GRAMD4: variants seen among roughly 807,000 people sequenced by gnomAD.
The protein encoded by GRAMD4 is GRAM domain containing 4.
A neutral mutation model predicts 83.9 loss-of-function variants in GRAMD4; 25 were observed. The observed-to-expected ratio is 0.30, with a 90% CI of 0.22 to 0.42. GRAMD4 has a LOEUF of 0.42. Ranked by LOEUF, GRAMD4 falls within the 10% of genes least tolerant of loss-of-function variation. The pLI, the probability that GRAMD4 is intolerant of heterozygous loss-of-function variation, is 1.00. For missense variants in GRAMD4, 593 were observed against 788.7 expected (o/e 0.75, Z 2.97); for synonymous variants, 336 against 320.9 (o/e 1.05, Z -0.50).
intron 13 of GRAMD4, among the ~76,000 whole-genome samples, chr22:46,670,538 G>A (rs548237899): frequency 3.9e-5 from 6 of 152,318 alleles, no homozygotes; most frequent in East Asian, 1.9e-4. Flanking sequence ...GGACAGCTCC[G>A]GGGCAGGCCG....
intron 2 of GRAMD4, among the ~76,000 whole-genome samples, chr22:46,630,655 A>C (rs1011543592): frequency 6.6e-6 from 1 of 151,806 alleles, no homozygotes; most frequent in African/African-American, 2.4e-5. Context: ...AAGCAGCCTC[A>C]CTCCTGGCAG....
chr22:46,648,360 G>A (rs1439510629), intron 3 of GRAMD4, among the ~76,000 whole-genome samples: 1 of 140,508 alleles, frequency 7.1e-6, no homozygotes, highest in East Asian at 2.0e-4. Context: ...ATGGATGGAT[G>A]AATGGGTGAG....
At chr22:46,610,739 A>G (rs1250493993) in intron 1 of GRAMD4, among the ~76,000 whole-genome samples, 1 of 152,218 alleles carries the variant, frequency 6.6e-6, no homozygotes, top group Non-Finnish European at 1.5e-5. Flanking sequence ...TTGGCTGGTT[A>G]TTCTCAAGCC....
chr22:46,647,709 T>C (rs1406668206), intron 3 of GRAMD4, among the ~76,000 whole-genome samples: 3 of 152,276 alleles, frequency 2.0e-5, no homozygotes, highest in Admixed American at 2.0e-4. Context: ...CTCTAGTCAC[T>C]GCGTCCCGCC....
intron 1 of GRAMD4, among the ~76,000 whole-genome samples, chr22:46,608,533 T>C (rs764421346): frequency 1.3e-5 from 2 of 151,524 alleles, no homozygotes; most frequent in Non-Finnish European, 2.9e-5. Context: ...ACAAAAATTA[T>C]CTGTGTGTGG....
chr22:46,669,921 T>G (rs996376957), intron 13 of GRAMD4, among the ~76,000 whole-genome samples: 1 of 152,206 alleles, frequency 6.6e-6, no homozygotes, highest in Non-Finnish European at 1.5e-5. Context: ...TTTCTTTTCT[T>G]TCTCTTTTCC....
intron 1 of GRAMD4, among the ~76,000 whole-genome samples, chr22:46,592,754 G>A (rs1407900191): frequency 6.6e-6 from 1 of 152,104 alleles, no homozygotes; most frequent in African/African-American, 2.4e-5. Context: ...CACCGCGCCC[G>A]GCACCTCCAG....
upstream of GRAMD4, among the ~76,000 whole-genome samples, chr22:46,616,158 G>A (rs1423361188): frequency 7.3e-6 from 1 of 136,230 alleles, no homozygotes; most frequent in African/African-American, 2.8e-5. Flanking sequence ...CCCTGTGTGT[G>A]TAGGTTCCCC....
intron 1 of GRAMD4, among the ~76,000 whole-genome samples, chr22:46,602,762 C>CTTTT (rs534249203): frequency 0.18 from 21,518 of 121,216 alleles, 3,079 homozygotes; most frequent in East Asian, 0.32. Flanking sequence ...CCATTTTTCT[C>CTTTT]TTTTTTTTTT....
intron 13 of GRAMD4, among the ~76,000 whole-genome samples, chr22:46,670,102 T>C (rs2082479688): frequency 6.6e-6 from 1 of 151,816 alleles, no homozygotes; most frequent in Non-Finnish European, 1.5e-5. Context: ...CGTGCCGGAG[T>C]CGGGAGGTCA....
At chr22:46,597,915 C>A (rs2081278031) in intron 1 of GRAMD4, among the ~76,000 whole-genome samples, 1 of 152,142 alleles carries the variant, frequency 6.6e-6, no homozygotes, top group African/African-American at 2.4e-5. Context: ...GCTTGTAGAA[C>A]TTGCCTTTAG....
chr22:46,626,930 C>T lies in GRAMD4; in HGVS notation c.131C>T (p.Ser44Leu), dbSNP rs140068081. 192 of 1,614,086 alleles carry T rather than the reference C, an allele frequency of 1.2e-4. No homozygotes were observed. The highest frequency in any genetic ancestry group is 1.7e-4 in the Middle Eastern group (1 of 6,056). ...ATCCCCCTGAAGGTACCGCGGACCT[C>T]GCCCCGGGACAGCGAGGAGCTGAGG... ...DEIPLKVPRT[S>L]PRDSEELRDP... Residue 44 changes from serine (S) to leucine (L), a missense_variant, in exon 2 of 19, where the codon TCG (serine) becomes TTG (leucine). Transcript: ENST00000406902.
intron 9 of GRAMD4, 56 bp downstream of exon 9, chr22:46,665,762 G>A (rs116870369): frequency 0.014 from 13,267 of 920,378 alleles, 127 homozygotes; most frequent in Middle Eastern, 0.021. Flanking sequence ...TGGCTGTGCT[G>A]TCTCCCTGCG....
At chr22:46,666,775 CT>C in intron 9 of GRAMD4, 49 bp from the exon 10 acceptor site, 1 of 1,528,992 alleles carries the variant, frequency 6.5e-7, no homozygotes, top group East Asian at 2.3e-5. Flanking sequence ...ATGCCTTCCC[CT>C]GACTCAGGTG....
upstream of GRAMD4, among the ~76,000 whole-genome samples, chr22:46,576,326 G>A (rs1041937203): frequency 2.6e-5 from 4 of 152,184 alleles, no homozygotes; most frequent in African/African-American, 9.7e-5. Flanking sequence ...GATCCCCTCT[G>A]CCCCTTCACT....
At chr22:46,664,973 G>A (rs907784473) in intron 8 of GRAMD4, among the ~76,000 whole-genome samples, 1 of 152,190 alleles carries the variant, frequency 6.6e-6, no homozygotes, top group African/African-American at 2.4e-5. Context: ...ACTCACAGAT[G>A]AAGGCTGGGT....
intron 1 of GRAMD4, among the ~76,000 whole-genome samples, chr22:46,602,733 T>C (rs1252624692): frequency 6.6e-6 from 1 of 151,270 alleles, no homozygotes; most frequent in Non-Finnish European, 1.5e-5. Context: ...GGGCTGTTTG[T>C]TTTTCCTTTA....
At chr22:46,642,361 C>G (rs146294008) in intron 3 of GRAMD4, among the ~76,000 whole-genome samples, 1 of 152,332 alleles carries the variant, frequency 6.6e-6, no homozygotes, top group African/African-American at 2.4e-5. Context: ...TCTCAGTGGA[C>G]AGGGCTTGGG....
At position 46,679,011 on chromosome 22, in the gene GRAMD4, C is replaced by T. The variant is rs2082639006; in HGVS notation, c.*1760C>T. ...GTCTGGCTCCTGTAGGGGACTGGCT[C>T]TCTTGGTGCACCAGGGGAGGGGGAC... On this transcript the variant is annotated 3_prime_UTR_variant, in exon 19 of 19. Transcript: ENST00000406902. 7.1e-6 allele frequency: 7 copies of T among 985,594 alleles called. No homozygotes were observed. Among genetic ancestry groups the T allele is most frequent in the Non-Finnish European group, 8.4e-6 (7 of 829,982 alleles). 61.1% of individuals were successfully genotyped at this position (985,594 alleles called of 1,614,324 possible).
Sources: gnomAD v4.1 joint callset for allele counts (sites outside exome capture counted in the v4.1 genomes callset) on GRCh38, gnomAD v4.1.1 for gene constraint, MANE v1.5 for transcripts, NCBI Gene and HGNC (gene_info 2026-07-23, HGNC 2026-07-21) for gene names.